Variants in OPCML observed in about 807,000 individuals in gnomAD.
The protein encoded by OPCML is opioid-binding protein/cell adhesion molecule.
OPCML carries 13 observed loss-of-function variants against 37.8 expected under a neutral mutation model. The ratio of observed to expected loss-of-function variants is 0.34; its 90% CI spans 0.22 to 0.55. The LOEUF is 0.55. Ranked by LOEUF, OPCML falls within the 20% of genes least tolerant of loss-of-function variation. The pLI, the probability that OPCML is intolerant of heterozygous loss-of-function variation, is 0.91. For missense variants in OPCML, 341 were observed against 435.6 expected (o/e 0.78, Z 1.93); for synonymous variants, 176 against 168.8 (o/e 1.04, Z -0.33).
chr11:132,745,431 T>G (rs1368345245), intron 2 of OPCML, among the ~76,000 whole-genome samples: 1 of 151,938 alleles, frequency 6.6e-6, no homozygotes, highest in Non-Finnish European at 1.5e-5. Context: ...CTCTGGAGCC[T>G]TAAGCACTTG....
At chr11:133,367,054 A>G (rs770200629) in intron 1 of OPCML, among the ~76,000 whole-genome samples, 3 of 152,070 alleles carry the variant, frequency 2.0e-5, no homozygotes, top group Non-Finnish European at 4.4e-5. Flanking sequence ...TCTCGGTTCA[A>G]TGCAACCTCT....
rs2136639378 is a variant in OPCML at position 132,418,977 on chromosome 11, A to G, written c.*1216T>C. 6.5e-6 allele frequency: 1 copy of G among 152,790 alleles called. No individual in the cohort carries two copies. The highest frequency in any genetic ancestry group is 1.9e-4 in the East Asian group (1 of 5,182). The allele number at this position is 152,790 out of a possible 1,614,324, so 9.5% of individuals were successfully genotyped here. ...AACACAGGCTCTTCTGGGAATAGTG[A>G]GTGACTGATCATTAGCTTGCTACTT... On this transcript the variant is annotated 3_prime_UTR_variant, in exon 8 of 8. Coordinates refer to ENST00000524381, the MANE Select transcript of OPCML (RefSeq NM_001012393.5).
At chr11:132,547,080 A>T (rs907266397) in intron 3 of OPCML, among the ~76,000 whole-genome samples, 12 of 152,344 alleles carry the variant, frequency 7.9e-5, no homozygotes, top group African/African-American at 2.9e-4. Flanking sequence ...TCACCAGAGA[A>T]AATGTCAAAG....
At chr11:132,774,051 G>A (rs1194571509) in intron 2 of OPCML, among the ~76,000 whole-genome samples, 5 of 152,174 alleles carry the variant, frequency 3.3e-5, no homozygotes, top group Admixed American at 1.3e-4. Flanking sequence ...CCAAAATTAT[G>A]TCCTACAACA....
intron 1 of OPCML, among the ~76,000 whole-genome samples, chr11:133,250,483 G>A (rs978160284): frequency 7.9e-6 from 1 of 127,348 alleles, no homozygotes; most frequent in African/African-American, 3.0e-5. Context: ...AGGGAGGGAA[G>A]AATGAAGAAA....
At chr11:133,357,543 T>C (rs1343730589) in intron 1 of OPCML, among the ~76,000 whole-genome samples, 1 of 152,246 alleles carries the variant, frequency 6.6e-6, no homozygotes, top group Non-Finnish European at 1.5e-5. Flanking sequence ...GAGTACCATC[T>C]TATCACTCCT....
At chr11:133,402,270 A>T (rs145277794) in intron 1 of OPCML, among the ~76,000 whole-genome samples, 1 of 152,226 alleles carries the variant, frequency 6.6e-6, no homozygotes, top group East Asian at 1.9e-4. Flanking sequence ...CCCTTCTGGC[A>T]ATAACAAGCC....
intron 1 of OPCML, chr11:133,066,784 C>T (rs1948448070): frequency 1.3e-5 from 2 of 152,260 alleles, no homozygotes; most frequent in Admixed American, 6.5e-5. Context: ...TCAAACCATT[C>T]TCCTGCCTCA....
At chr11:133,509,120 A>G (rs1157163954) in intron 1 of OPCML, among the ~76,000 whole-genome samples, 3 of 152,050 alleles carry the variant, frequency 2.0e-5, no homozygotes, top group African/African-American at 7.3e-5. Context: ...GGTTTGTTAC[A>G]TTGGTAAACG....
At chr11:132,648,070 T>G (rs996240806) in intron 3 of OPCML, among the ~76,000 whole-genome samples, 1 of 152,192 alleles carries the variant, frequency 6.6e-6, no homozygotes, top group Admixed American at 6.5e-5. Context: ...TCCAAATCTG[T>G]GTACACCTGC....
rs374107869 is a variant in OPCML at position 132,696,137 on chromosome 11, G to T, written c.147-38818C>A. Among the ~76,000 whole-genome samples the T allele has an allele frequency of 1.0e-3, 157 of 152,284 alleles. 1 individual carries two copies. Among genetic ancestry groups the T allele is most frequent in the African/African-American group, 3.7e-3 (152 of 41,548 alleles). On this transcript the variant is annotated intron_variant, in intron 2 of 7. Coordinates refer to ENST00000524381, the MANE Select transcript of OPCML (RefSeq NM_001012393.5). ...AAATAAATAAGCTGCCAAGGAATTTGCCCCAGTTTAGCATTTGAGAATGCC... is the reference window on the plus strand; with the variant it reads ...AAATAAATAAGCTGCCAAGGAATTTTCCCCAGTTTAGCATTTGAGAATGCC...
rs1360129085 is a variant in OPCML, at chr11:133,206,660, A to G, written c.62-263650T>C. Among the ~76,000 whole-genome samples, 5 of 152,206 alleles carry G rather than the reference A, an allele frequency of 3.3e-5. No homozygotes were observed. Among genetic ancestry groups the G allele is most frequent in the Non-Finnish European group, 7.3e-5 (5 of 68,042 alleles). On this transcript the variant is annotated intron_variant, in intron 1 of 7. Transcript: ENST00000524381. The surrounding 1 kb of genome is among the most constrained non-coding windows in gnomAD (Gnocchi z 4.7). ...CTGAGAGATCACTAGGGCCGAGCAAAGGCTGTGCTCTCCTGCTCGATGAAG... is the reference window on the plus strand; with the variant it reads ...CTGAGAGATCACTAGGGCCGAGCAAGGGCTGTGCTCTCCTGCTCGATGAAG...
intron 2 of OPCML, among the ~76,000 whole-genome samples, chr11:132,903,640 A>G (rs1418981305): frequency 6.6e-6 from 1 of 152,170 alleles, no homozygotes; most frequent in Non-Finnish European, 1.5e-5. Context: ...TATAAAAATA[A>G]GTAAATAAAT....
chr11:133,096,909 G>C (rs2137063657), intron 1 of OPCML, among the ~76,000 whole-genome samples: 1 of 152,224 alleles, frequency 6.6e-6, no homozygotes, highest in Non-Finnish European at 1.5e-5. Context: ...AAAACTGATA[G>C]AACCGCAAGG....
intron 1 of OPCML, among the ~76,000 whole-genome samples, chr11:133,172,551 G>A (rs990330095): frequency 6.6e-6 from 1 of 152,172 alleles, no homozygotes; most frequent in Non-Finnish European, 1.5e-5. Flanking sequence ...AGTATGGCTG[G>A]AGCCTAGAGG....
chr11:132,926,492 G>GA (rs555123282), intron 2 of OPCML, among the ~76,000 whole-genome samples: 286 of 152,196 alleles, frequency 1.9e-3, no homozygotes, highest in Non-Finnish European at 3.4e-3. Flanking sequence ...TACAGGAATG[G>GA]AAAAAAAGGA....
Position 133,526,351 on chromosome 11 carries a change from C to T in OPCML, c.61+5913G>A, listed in dbSNP as rs530574766. ...TATAGAAGGCAAGAGGGAAGACTTG[C>T]TTTCCTTAAAGAGCTGTGAATGTGA... On this transcript the variant is annotated intron_variant, in intron 1 of 7. Coordinates refer to ENST00000524381, the MANE Select transcript of OPCML (RefSeq NM_001012393.5). Among the ~76,000 whole-genome samples the T allele has an allele frequency of 2.0e-4, 31 of 152,312 alleles. No homozygotes were observed. The South Asian group carries it at 6.0e-3, about 30-fold the overall frequency.
intron 2 of OPCML, among the ~76,000 whole-genome samples, chr11:132,850,051 A>C (rs1012210114): frequency 6.6e-6 from 1 of 152,216 alleles, no homozygotes; most frequent in South Asian, 2.1e-4. Context: ...TGGGAAAGAC[A>C]AACTTTCCTG....
chr11:133,379,180 A>G (rs1004049288), intron 1 of OPCML, among the ~76,000 whole-genome samples: 1 of 152,208 alleles, frequency 6.6e-6, no homozygotes, highest in African/African-American at 2.4e-5. Flanking sequence ...AGCCATTCAC[A>G]ACCGTCTGTT....
Sources: allele counts gnomAD v4.1 joint callset (sites outside exome capture counted in the v4.1 genomes callset), GRCh38; gene constraint gnomAD v4.1.1; non-coding constraint Gnocchi (gnomAD v3.1); transcripts MANE v1.5; gene names NCBI Gene and HGNC (gene_info 2026-07-23, HGNC 2026-07-21).